Variants in SBNO1 observed in about 807,000 individuals in gnomAD.
The protein encoded by SBNO1 is protein strawberry notch homolog 1.
In SBNO1, 23 loss-of-function variants were observed where a neutral mutation model predicts 173.6. The ratio of observed to expected loss-of-function variants is 0.13; its 90% CI spans 0.10 to 0.19. The LOEUF (loss-of-function observed/expected upper bound fraction) is 0.19. Among genes scored for constraint, SBNO1 ranks in the 10% least tolerant of loss-of-function variants. The probability of loss-of-function intolerance (pLI) is 1.00; values close to 1 mark genes in which losing one functional copy is unlikely to be tolerated. For synonymous variants in SBNO1, 632 were observed against 571.5 expected (o/e 1.11, Z -1.51); for missense variants, 1,238 against 1,671.2 (o/e 0.74, Z 4.52).
chr12:123,314,963 G>A (rs943134218), intron 23 of SBNO1, among the ~76,000 whole-genome samples: 10 of 149,986 alleles, frequency 6.7e-5, no homozygotes, highest in African/African-American at 1.2e-4. Context: ...GGCTGGTCTC[G>A]AACTCCTGAC....
intron 1 of SBNO1, among the ~76,000 whole-genome samples, chr12:123,356,409 A>C (rs946318902): frequency 6.6e-6 from 1 of 152,186 alleles, no homozygotes; most frequent in Non-Finnish European, 1.5e-5. Context: ...GCAATCCATT[A>C]AATAATTAAC....
intron 1 of SBNO1, chr12:123,363,836 G>C (rs965084904): frequency 1.0e-6 from 1 of 984,346 alleles, no homozygotes; most frequent in African/African-American, 1.7e-5. Context: ...CACAAAGCAG[G>C]GGTGGGAAGG....
Position 123,362,914 on chromosome 12 carries a change from A to G in SBNO1, c.-1+1787T>C, listed in dbSNP as rs542213741. Reference sequence around the variant, plus strand: ...CAACATGGTGAGACCCCCGCCTCTCAACAAAAAAATTAAAAAAAAAAAAAT... The same window carrying G: ...CAACATGGTGAGACCCCCGCCTCTCGACAAAAAAATTAAAAAAAAAAAAAT... On this transcript the variant is annotated intron_variant, in intron 1 of 31. Coordinates refer to ENST00000602398, the MANE Select transcript of SBNO1 (RefSeq NM_001167856.3). 6.0e-5 allele frequency among the ~76,000 whole-genome samples: 9 copies of G among 149,812 alleles called. No homozygotes were observed. The South Asian group carries it at 1.9e-3, about 31-fold the overall frequency.
intron 1 of SBNO1, among the ~76,000 whole-genome samples, chr12:123,361,300 G>T (rs748938806): frequency 1.1e-4 from 17 of 152,066 alleles, no homozygotes; most frequent in Non-Finnish European, 2.5e-4. Context: ...TGTAATCCCA[G>T]TACTTTGGGA....
At chr12:123,323,890 GTAT>G (rs1870296088) in intron 15 of SBNO1, 59 bp from the exon 16 acceptor site, 9 of 1,253,348 alleles carry the variant, frequency 7.2e-6, no homozygotes, top group Non-Finnish European at 7.6e-6. Context: ...TATATGTAAA[GTAT>G]TATTAAATAT....
intron 24 of SBNO1, among the ~76,000 whole-genome samples, chr12:123,313,129 T>C (rs1170607403): frequency 6.6e-6 from 1 of 151,308 alleles, no homozygotes; most frequent in East Asian, 1.9e-4. Context: ...CTTGAACCTG[T>C]TGGCAGAGGT....
rs1183198362 is a variant in SBNO1, at chr12:123,325,452, A to G, written c.1973+50T>C. The G allele has an allele frequency of 3.1e-6, 4 of 1,302,742 alleles. No homozygotes were observed. The Admixed American group carries it at 5.1e-5, about 17-fold the overall frequency. 80.7% of individuals were successfully genotyped at this position (1,302,742 alleles called of 1,614,324 possible). The stretch of plus-strand genomic sequence containing the variant: ...GAAATGCCCACATTGGAACTAAGGT[A>G]AGGAAGAACTCAAAAAGAAACAAAA... On this transcript the variant is annotated intron_variant, in intron 15 of 31. Transcript: ENST00000602398.
chr12:123,317,725 T>C (rs146018555), intron 20 of SBNO1, among the ~76,000 whole-genome samples: 1 of 152,296 alleles, frequency 6.6e-6, no homozygotes, highest in East Asian at 1.9e-4. Context: ...GGAAGATGCC[T>C]GGACTTCAAG....
intron 1 of SBNO1, chr12:123,364,298 C>T: frequency 1.0e-6 from 1 of 985,598 alleles, no homozygotes; most frequent in Non-Finnish European, 1.2e-6. Flanking sequence ...TCCTTACTTT[C>T]CCCGCGGGTC....
At position 123,293,385 on chromosome 12, in the gene SBNO1, G is replaced by A. The variant is rs1345619787; in HGVS notation, c.*2523C>T. The A allele has an allele frequency of 1.3e-5, 2 of 152,162 alleles. No homozygotes were observed. Among genetic ancestry groups the A allele is most frequent in the East Asian group, 3.8e-4 (2 of 5,198 alleles). 9.4% of individuals were successfully genotyped at this position (152,162 alleles called of 1,614,324 possible). On this transcript the variant is annotated 3_prime_UTR_variant, in exon 32 of 32. Transcript: ENST00000602398. ...GGCTACGAGTTGGGTTTTAACAGAA[G>A]AGGACCTTGAATGCTGAAGCTTCAC...
At chr12:123,315,812 T>C in intron 21 of SBNO1, 152 bp from the exon 22 acceptor site, 2 of 586,584 alleles carry the variant, frequency 3.4e-6, no homozygotes, top group Non-Finnish European at 6.0e-6. Context: ...ATAACACACA[T>C]AAAACTGCTC....
At chr12:123,364,439 C>T (rs1030189597) in intron 1 of SBNO1, 3 of 985,502 alleles carry the variant, frequency 3.0e-6, no homozygotes, top group Non-Finnish European at 3.6e-6. Context: ...TCCCGGAGCC[C>T]GAAAGCCCCA....
At position 123,311,129 on chromosome 12, in the gene SBNO1, T is replaced by C. The variant is rs766086142; in HGVS notation, c.3221A>G (p.Asp1074Gly). 1.2e-6 allele frequency: 2 copies of C among 1,611,006 alleles called. No homozygotes were observed. Among genetic ancestry groups the C allele is most frequent in the African/African-American group, 1.3e-5 (1 of 74,882 alleles). Reference sequence around the variant, plus strand: ...AACGCCTATCAGTCCTTGTCGAACATCTGTAAGAACAGGATCAATTCTGAC... The same window carrying C: ...AACGCCTATCAGTCCTTGTCGAACACCTGTAAGAACAGGATCAATTCTGAC... Reference protein sequence around the residue: ...PPDYPGEFFKDVRQGLIGVGL... With the variant: ...PPDYPGEFFKGVRQGLIGVGL... The change falls in exon 25 of 32, where the codon GAT (aspartate) becomes GGT (glycine). Residue 1074 changes from aspartate (D) to glycine (G), a missense_variant and splice_region_variant. Around this residue, in one of 14 missense-constraint regions of SBNO1, gnomAD observed 351 missense variants for 420.3 expected, o/e 0.84. Transcript: ENST00000602398.
intron 21 of SBNO1, 29 bp from the exon 22 acceptor site, chr12:123,315,689 T>C (rs201371769): frequency 3.7e-5 from 47 of 1,259,058 alleles, no homozygotes; most frequent in East Asian, 3.7e-4. Context: ...TTAAAGATCA[T>C]TGATTGTGTT....
At chr12:123,362,163 G>A (rs1381739923) in intron 1 of SBNO1, among the ~76,000 whole-genome samples, 1 of 149,698 alleles carries the variant, frequency 6.7e-6, no homozygotes, top group African/African-American at 2.5e-5. Flanking sequence ...TCTGTTGGGC[G>A]TGGTGGCTCA....
At position 123,359,833 on chromosome 12, in the gene SBNO1, A is replaced by G. The variant is rs559824700; in HGVS notation, c.-1+4868T>C. ...TAACACTTGGTGAGTTCAAGCCACA[A>G]CAAATTGCATCTGTCAATCAGCATA... On this transcript the variant is annotated intron_variant, in intron 1 of 31. Transcript: ENST00000602398. Among the ~76,000 whole-genome samples the G allele has an allele frequency of 2.6e-5, 4 of 152,346 alleles. No individual in the cohort carries two copies. In the South Asian group the frequency reaches 8.3e-4, roughly 32 times the overall value.
chr12:123,311,836 A>G (rs1459603531), intron 24 of SBNO1, among the ~76,000 whole-genome samples: 1 of 151,152 alleles, frequency 6.6e-6, no homozygotes, highest in African/African-American at 2.4e-5. Context: ...CCCAGGCTCA[A>G]GGGATCCTCC....
intron 1 of SBNO1, among the ~76,000 whole-genome samples, chr12:123,354,043 T>G (rs1191469525): frequency 6.6e-6 from 1 of 152,200 alleles, no homozygotes; most frequent in Admixed American, 6.5e-5. Flanking sequence ...CTGCAAACTA[T>G]TATTCAGTTC....
At chr12:123,305,724 C>T (rs374566417) in intron 28 of SBNO1, among the ~76,000 whole-genome samples, 7 of 152,094 alleles carry the variant, frequency 4.6e-5, no homozygotes, top group Non-Finnish European at 7.4e-5. Context: ...CCACCCGCCC[C>T]GGCCTCCCAA....
Sources: gnomAD v4.1 joint callset for allele counts (sites outside exome capture counted in the v4.1 genomes callset) on GRCh38, gnomAD v4.1.1 for gene constraint, gnomAD v4.1.1 regional missense constraint, MANE v1.5 for transcripts, NCBI Gene and HGNC (gene_info 2026-07-23, HGNC 2026-07-21) for gene names.